SHISA9: variants seen among roughly 807,000 people sequenced by gnomAD.
SHISA9 encodes the protein shisa family member 9, also known as protein shisa-9.
Under a neutral mutation model 38.0 loss-of-function variants are expected in SHISA9, and 13 were observed. The observed-to-expected ratio is 0.34, with a 90% CI of 0.22 to 0.54. The LOEUF (loss-of-function observed/expected upper bound fraction) is 0.54. SHISA9 is among the 20% of genes least tolerant of loss of function. SHISA9 has a pLI of 0.91. For synonymous variants in SHISA9, 275 were observed against 242.0 expected, an observed-to-expected ratio of 1.14 and a Z score of -1.27; for missense variants, 538 against 575.8, an observed-to-expected ratio of 0.93 and a Z score of 0.67.
chr16:13,285,087 C>T, the SHISA9 span, among the ~76,000 whole-genome samples: 5 of 152,018 alleles, frequency 3.3e-5, no homozygotes, highest in Non-Finnish European at 4.4e-5. Context: ...TTACATTCCA[C>T]CCATCTATTA....
chr16:13,405,764 G>A, the SHISA9 span, among the ~76,000 whole-genome samples: 1 of 151,992 alleles, frequency 6.6e-6, no homozygotes, highest in Non-Finnish European at 1.5e-5. Flanking sequence ...TTAGGATAAT[G>A]GCCTCCAGCT....
chr16:13,416,645 G>T, the SHISA9 span, among the ~76,000 whole-genome samples: 4 of 151,962 alleles, frequency 2.6e-5, no homozygotes, highest in Admixed American at 6.6e-5. Flanking sequence ...CCAGGAGTTC[G>T]AGGCTGCACT....
At chr16:13,485,366 T>C in the SHISA9 span, among the ~76,000 whole-genome samples, 1 of 152,172 alleles carries the variant, frequency 6.6e-6, no homozygotes, top group South Asian at 2.1e-4. Context: ...GCAAAGGACA[T>C]GAGCTCATTC....
the SHISA9 span, among the ~76,000 whole-genome samples, chr16:13,438,860 C>T: frequency 6.6e-6 from 1 of 152,152 alleles, no homozygotes; most frequent in Admixed American, 6.5e-5. Flanking sequence ...GTCTTTATTC[C>T]TTTGCAAAAT....
intron 2 of SHISA9, among the ~76,000 whole-genome samples, chr16:13,054,593 C>T (rs1039637590): frequency 6.6e-6 from 1 of 152,188 alleles, no homozygotes; most frequent in Non-Finnish European, 1.5e-5. Context: ...GACTTATTTT[C>T]AGGGCAACAA....
intron 4 of SHISA9, among the ~76,000 whole-genome samples, chr16:13,224,084 AG>A (rs1316983557): frequency 6.6e-6 from 1 of 152,216 alleles, no homozygotes; most frequent in Non-Finnish European, 1.5e-5. Context: ...AGAGTATTGA[AG>A]GGGATAGCAA....
chr16:13,211,339 C>T (rs548545302), intron 3 of SHISA9, among the ~76,000 whole-genome samples: 57 of 151,850 alleles, frequency 3.8e-4, no homozygotes, highest in Non-Finnish European at 6.9e-4. Flanking sequence ...TAAAAATTTC[C>T]CTATGATGTT....
the SHISA9 span, among the ~76,000 whole-genome samples, chr16:13,495,855 A>G: frequency 1.3e-5 from 2 of 152,184 alleles, no homozygotes; most frequent in African/African-American, 4.8e-5. Context: ...GGTATGTAGG[A>G]CAAACACACA....
intron 2 of SHISA9, among the ~76,000 whole-genome samples, chr16:13,103,977 A>C (rs2073903208): frequency 6.6e-6 from 1 of 152,148 alleles, no homozygotes; most frequent in Non-Finnish European, 1.5e-5. Flanking sequence ...GCTTTGTTCT[A>C]GAGTCCTACG....
chr16:13,264,365 A>G, the SHISA9 span, among the ~76,000 whole-genome samples: 7 of 151,802 alleles, frequency 4.6e-5, no homozygotes, highest in African/African-American at 1.7e-4. Context: ...TAGAGACAGC[A>G]TTTCACCATG....
chr16:13,111,936 T>G (rs2073982294), intron 2 of SHISA9, among the ~76,000 whole-genome samples: 1 of 152,140 alleles, frequency 6.6e-6, no homozygotes, highest in African/African-American at 2.4e-5. Context: ...ATGAGAAAAC[T>G]GAGGCTCAGA....
chr16:13,497,028 A>T, the SHISA9 span, among the ~76,000 whole-genome samples: 4 of 152,350 alleles, frequency 2.6e-5, no homozygotes, highest in African/African-American at 9.6e-5. Flanking sequence ...TCTGAAGTTA[A>T]TTTGAAAATA....
chr16:13,433,503 T>C, the SHISA9 span, among the ~76,000 whole-genome samples: 1 of 147,528 alleles, frequency 6.8e-6, no homozygotes, highest in African/African-American at 2.5e-5. Flanking sequence ...GCTATTATCC[T>C]TATTTCATGG....
At chr16:13,265,922 A>G in the SHISA9 span, among the ~76,000 whole-genome samples, 1 of 152,194 alleles carries the variant, frequency 6.6e-6, no homozygotes, top group African/African-American at 2.4e-5. Context: ...TCAATTTCCT[A>G]AACTCAAATT....
chr16:13,215,302 G>A (rs1489220712), intron 4 of SHISA9, among the ~76,000 whole-genome samples: 3 of 152,198 alleles, frequency 2.0e-5, no homozygotes, highest in Non-Finnish European at 4.4e-5. Context: ...ATCCTGAGTT[G>A]TTGCAGGGAG....
At chr16:13,287,412 C>A in the SHISA9 span, among the ~76,000 whole-genome samples, 1 of 152,288 alleles carries the variant, frequency 6.6e-6, no homozygotes, top group Non-Finnish European at 1.5e-5. Flanking sequence ...AATACTCTCC[C>A]AGATGGAGAA....
chr16:13,342,401 C>T, the SHISA9 span, among the ~76,000 whole-genome samples: 1 of 152,164 alleles, frequency 6.6e-6, no homozygotes, highest in Non-Finnish European at 1.5e-5. Context: ...GATCCTCCTG[C>T]CTCAACCTCC....
chr16:13,057,686 C>T (rs1305954302), intron 2 of SHISA9, among the ~76,000 whole-genome samples: 2 of 152,094 alleles, frequency 1.3e-5, no homozygotes, highest in Non-Finnish European at 2.9e-5. Flanking sequence ...GATACATGTG[C>T]AGAATGTGCA....
intron 2 of SHISA9, among the ~76,000 whole-genome samples, chr16:12,926,091 G>C (rs1441801282): frequency 6.6e-6 from 1 of 152,104 alleles, no homozygotes; most frequent in Non-Finnish European, 1.5e-5. Context: ...ACATATTGTA[G>C]ATGAAGAAAC....
Sources: gnomAD v4.1 joint callset for allele counts (sites outside exome capture counted in the v4.1 genomes callset) on GRCh38, gnomAD v4.1.1 for gene constraint, MANE v1.5 for transcripts, NCBI Gene and HGNC (gene_info 2026-07-23, HGNC 2026-07-21) for gene names.